The following DHX16 variants were observed in gnomAD, a reference collection of about 807,000 sequenced individuals.
DHX16 encodes the protein pre-mRNA-splicing factor ATP-dependent RNA helicase DHX16.
In DHX16, 81 loss-of-function variants were observed where a neutral mutation model predicts 131.2. The ratio of observed to expected loss-of-function variants is 0.62; its 90% CI spans 0.52 to 0.74. The LOEUF (loss-of-function observed/expected upper bound fraction) is 0.74, where lower values mean the gene tolerates loss of function less well. Ranked by LOEUF, DHX16 falls within the 30% of genes least tolerant of loss-of-function variation. The probability of loss-of-function intolerance (pLI) is 0.00; values close to 1 mark genes in which losing one functional copy is unlikely to be tolerated. For synonymous variants in DHX16, 440 were observed against 520.2 expected, an observed-to-expected ratio of 0.85 and a Z score of 2.10; for missense variants, 980 against 1,363.1, an observed-to-expected ratio of 0.72 and a Z score of 4.43.
chr6:30,672,573 T>C (rs974548926), intron 1 of DHX16, 62 bp downstream of exon 1: 16 of 1,443,990 alleles, frequency 1.1e-5, no homozygotes, highest in Admixed American at 7.3e-5. Context: ...AACTTCTCGA[T>C]GGACCGTTAG....
At chr6:30,659,914 A>T in intron 10 of DHX16, 80 bp from the exon 11 acceptor site, 1 of 1,554,644 alleles carries the variant, frequency 6.4e-7, no homozygotes. Context: ...TTCAACATAC[A>T]CTTTATCCTA....
Position 30,659,494 on chromosome 6 carries a change from G to A in DHX16, c.1985C>T (p.Pro662Leu), listed in dbSNP as rs1363435291. ...GACCTTTCGTGCCCCAGGTGGTGTG[G>A]GCTGGAAGATACGGGCCTGCATGTC... Reference protein sequence around the residue: ...PSDMQARIFQPTPPGARKVVV... With the variant: ...PSDMQARIFQLTPPGARKVVV... Residue 662 changes from proline to leucine, a missense_variant, in exon 12 of 20, where the codon CCC (proline) becomes CTC (leucine). Transcript: ENST00000376442. The A allele has an allele frequency of 3.1e-6, 5 of 1,599,778 alleles. No homozygotes were observed. The East Asian group carries it at 1.1e-4, about 36-fold the overall frequency.
chr6:30,653,357 T>C lies in DHX16; in HGVS notation c.3011A>G (p.Glu1004Gly). The change falls in exon 20 of 20, where the codon GAG (glutamate) becomes GGG (glycine). Residue 1004 changes from glutamate to glycine, a missense_variant. By Grantham distance (98) the Glu-to-Gly change is moderately conservative (BLOSUM62 -2). Around this residue, in one of 3 missense-constraint regions of DHX16, gnomAD observed 214 missense variants for 271.2 expected, o/e 0.79. Transcript: ENST00000376442. Reference sequence around the variant, plus strand: ...AGCCACCTCCAGAAGCCAACTGCTCTCAATCTCCAGTACCTAGGAGAGAGA... The same window carrying C: ...AGCCACCTCCAGAAGCCAACTGCTCCCAATCTCCAGTACCTAGGAGAGAGA... ...KEFMRQVLEI[E>G]SSWLLEVAPH... 1.2e-6 allele frequency: 2 copies of C among 1,612,656 alleles called. No homozygotes were observed. The highest frequency in any genetic ancestry group is 1.7e-6 in the Non-Finnish European group (2 of 1,179,884).
At position 30,664,975 on chromosome 6, in the gene DHX16, G is replaced by A. The variant is rs1768881707; in HGVS notation, c.1143C>T (p.Pro381=). 1 of 1,614,016 alleles carries A rather than the reference G, an allele frequency of 6.2e-7. No individual in the cohort carries two copies. The highest frequency in any genetic ancestry group is 8.5e-7 in the Non-Finnish European group (1 of 1,179,978). ...LQGDEEPSAP[P]TSTQAQQKES... ...CTTTCTGCTGGGCCTGAGTTGAAGT[G>A]GGTGGAGCTGACGGCTCCTAAGGAA... is the stretch of plus-strand genomic sequence containing the variant. The change falls in exon 7 of 20, where the codon CCC becomes CCT. Residue 381 remains proline (P), a synonymous_variant. Transcript: ENST00000376442.
Position 30,662,155 on chromosome 6 carries a change from C to T in DHX16, c.1544+472G>A, listed in dbSNP as rs11754053. ...CAGAGTCCAACCACTCTGACAGGCC[C>T]TGCAATCTCCACCACTCTGAGGGTT... On this transcript the variant is annotated intron_variant, in intron 9 of 19. Coordinates refer to ENST00000376442, the MANE Select transcript of DHX16 (RefSeq NM_003587.5). This position sits in a 1 kb window ranked among gnomAD's most constrained non-coding sequence, Gnocchi z 4.7. 9.6e-3 allele frequency among the ~76,000 whole-genome samples: 1,463 copies of T among 152,258 alleles called. 24 individuals carry two copies. The highest frequency in any genetic ancestry group is 0.033 in the African/African-American group (1,364 of 41,530).
In DHX16 at chr6:30,659,167, G is replaced by A. The variant is rs564374930; in HGVS notation, c.2007+305C>T. Among the ~76,000 whole-genome samples, 79 of 152,268 alleles carry A rather than the reference G, an allele frequency of 5.2e-4. 2 individuals carry two copies. The highest frequency in any genetic ancestry group is 4.8e-3 in the Admixed American group (73 of 15,298). ...CTCCGAAAGTCCTGGGATTACAGGC[G>A]TGAGCCACCGCACCTGACCTCAGAC... On this transcript the variant is annotated intron_variant, in intron 12 of 19. Transcript: ENST00000376442.
chr6:30,665,529 TCTC>T lies in DHX16; in HGVS notation c.868_870del (p.Glu290del). ...TGGTAGCGATTGGTGGCCTCCAGCT[TCTC>T]CTGCTCCCCAGCTGCCCGGTACTCC... On this transcript the variant is annotated inframe_deletion, in exon 5 of 20. Transcript: ENST00000376442. This position sits in a 1 kb window ranked among gnomAD's most constrained non-coding sequence, Gnocchi z 4.8. 6.2e-7 allele frequency: 1 copy of T among 1,613,022 alleles called. No individual in the cohort carries two copies. Among genetic ancestry groups the T allele is most frequent in the Non-Finnish European group, 8.5e-7 (1 of 1,180,010 alleles).
intron 18 of DHX16, 39 bp downstream of exon 18, chr6:30,655,136 T>TA (rs780853271): frequency 1.2e-6 from 2 of 1,612,844 alleles, no homozygotes; most frequent in African/African-American, 2.7e-5. Context: ...CCTGGGAAGG[T>TA]ACTGGGGGTG....
At chr6:30,669,319 G>A (rs2127593911) in intron 4 of DHX16, among the ~76,000 whole-genome samples, 1 of 152,190 alleles carries the variant, frequency 6.6e-6, no homozygotes, top group Admixed American at 6.5e-5. Flanking sequence ...TACTCAGGAG[G>A]CTGAGGCAGG....
Position 30,665,031 on chromosome 6 carries a change from T to C in DHX16, c.1126-39A>G, listed in dbSNP as rs1768892098. ...AGGAGGTGTGAGCTAAATAGCTCGCTACGGGTCTTCCTCAGAAAGTCTCCC... is the reference window on the plus strand; with the variant it reads ...AGGAGGTGTGAGCTAAATAGCTCGCCACGGGTCTTCCTCAGAAAGTCTCCC... On this transcript the variant is annotated intron_variant, in intron 6 of 19. Coordinates refer to ENST00000376442, the MANE Select transcript of DHX16 (RefSeq NM_003587.5). This position sits in a 1 kb window ranked among gnomAD's most constrained non-coding sequence, Gnocchi z 4.8. The C allele has an allele frequency of 1.2e-6, 2 of 1,613,644 alleles. No individual in the cohort carries two copies. The highest frequency in any genetic ancestry group is 1.1e-5 in the South Asian group (1 of 91,052).
At chr6:30,672,044 C>T (rs1021703712) in intron 1 of DHX16, among the ~76,000 whole-genome samples, 2 of 151,732 alleles carry the variant, frequency 1.3e-5, no homozygotes, top group Non-Finnish European at 2.9e-5. Context: ...GGCATGGTGG[C>T]TCACGCCTGT....
At position 30,664,932 on chromosome 6, in the gene DHX16, G is replaced by T. The variant is rs778338647; in HGVS notation, c.1186C>A (p.Arg396Ser). 6.2e-7 allele frequency: 1 copy of T among 1,613,840 alleles called. No individual in the cohort carries two copies. The highest frequency in any genetic ancestry group is 1.3e-5 in the African/African-American group (1 of 75,032). The part of the protein sequence containing the change: ...AQQKESIQAV[R>S]RSLPVFPFRE... ...AATGGGAACACCGGGAGGCTGCGGCGGACGGCCTGGATGGACTCTTTCTGC... is the reference window on the plus strand; with the variant it reads ...AATGGGAACACCGGGAGGCTGCGGCTGACGGCCTGGATGGACTCTTTCTGC... Residue 396 changes from arginine (R) to serine (S), a missense_variant, in exon 7 of 20, where the codon CGC (arginine) becomes AGC (serine). Transcript: ENST00000376442.
intron 7 of DHX16, 68 bp from the exon 8 acceptor site, chr6:30,663,089 T>C (rs1768676653): frequency 7.8e-7 from 1 of 1,286,496 alleles, no homozygotes; most frequent in Admixed American, 2.2e-5. Context: ...CAGGTACATT[T>C]CAGAGAAAGA....
intron 1 of DHX16, among the ~76,000 whole-genome samples, chr6:30,672,368 C>T (rs1769644525): frequency 6.6e-6 from 1 of 151,972 alleles, no homozygotes; most frequent in South Asian, 2.1e-4. Context: ...ACTAAGATCC[C>T]TACTGAATCG....
In DHX16 at chr6:30,670,592, A is replaced by AGAG; in HGVS notation, c.610-127_610-126insCTC. 8.0e-7 allele frequency: 1 copy of AGAG among 1,242,462 alleles called. No individual in the cohort carries two copies. Among genetic ancestry groups the AGAG allele is most frequent in the Non-Finnish European group, 1.1e-6 (1 of 886,888 alleles). 77.0% of individuals were successfully genotyped at this position (1,242,462 alleles called of 1,614,324 possible). On this transcript the variant is annotated intron_variant, in intron 3 of 19. Coordinates refer to ENST00000376442, the MANE Select transcript of DHX16 (RefSeq NM_003587.5). This position sits in a 1 kb window ranked among gnomAD's most constrained non-coding sequence, Gnocchi z 4.4. Reference sequence around the variant, plus strand: ...ACACAAAAAATGTCCCCTCTCAGTGAGGAATCTCTCTGATTGCAGGTACAG... The same window carrying AGAG: ...ACACAAAAAATGTCCCCTCTCAGTGAGAGGGAATCTCTCTGATTGCAGGTACAG...
At chr6:30,661,545 G>A (rs918509435) in intron 9 of DHX16, among the ~76,000 whole-genome samples, 1 of 152,152 alleles carries the variant, frequency 6.6e-6, no homozygotes. Flanking sequence ...ATTCTTGACT[G>A]TTTCTTCTTT....
rs1029663406 is a variant in DHX16 at position 30,666,970 on chromosome 6, A to AT, written c.667-1238dup. On this transcript the variant is annotated intron_variant, in intron 4 of 19. Transcript: ENST00000376442. The stretch of plus-strand genomic sequence containing the variant: ...TTCCTTCCATGGAAGAGCCAGATAG[A>AT]TTTTTTTTTTAATATGGGCAAAAAA... Among the ~76,000 whole-genome samples the AT allele has an allele frequency of 4.6e-4, 69 of 150,612 alleles. 1 individual carries two copies. Among genetic ancestry groups the AT allele is most frequent in the African/African-American group, 1.4e-3 (57 of 41,094 alleles).
Position 30,671,387 on chromosome 6 carries a change from G to A in DHX16, c.208-113C>T, listed in dbSNP as rs2127595962. 25 of 995,668 alleles carry A rather than the reference G, an allele frequency of 2.5e-5. No individual in the cohort carries two copies. In the South Asian group the frequency reaches 2.6e-4, roughly 10 times the overall value. 61.7% of individuals were successfully genotyped at this position (995,668 alleles called of 1,614,324 possible). Reference sequence around the variant, plus strand: ...TTAGTCTTTCCTGCCCCCGCGGCCCGGCCCCACTGTCAGGCAATGGCGTGA... The same window carrying A: ...TTAGTCTTTCCTGCCCCCGCGGCCCAGCCCCACTGTCAGGCAATGGCGTGA... On this transcript the variant is annotated intron_variant, in intron 1 of 19. Coordinates refer to ENST00000376442, the MANE Select transcript of DHX16 (RefSeq NM_003587.5).
Position 30,665,223 on chromosome 6 carries a change from C to A in DHX16, c.973G>T (p.Glu325Ter). 1.2e-6 allele frequency: 2 copies of A among 1,606,750 alleles called. No individual in the cohort carries two copies. Among genetic ancestry groups the A allele is most frequent in the Non-Finnish European group, 1.7e-6 (2 of 1,179,826 alleles). Residue 325 changes from glutamate (E) to a stop codon, truncating the protein, a stop_gained, in exon 6 of 20, where the codon GAG (glutamate) becomes TAG (stop). Transcript: ENST00000376442. LOFTEE classifies it high-confidence loss of function. This position sits in a 1 kb window ranked among gnomAD's most constrained non-coding sequence, Gnocchi z 4.8. ...VEEESGAPGE[E>*]QRRWEEARLG... is the part of the protein sequence containing the mutation. ...CGCGCCTCCTCCCAGCGCCGCTGCT[C>A]CTCCCCAGGGGCTCCTGATTCCTCC...
Sources: allele counts gnomAD v4.1 joint callset (sites outside exome capture counted in the v4.1 genomes callset), GRCh38; gene constraint gnomAD v4.1.1; regional missense constraint gnomAD v4.1.1; non-coding constraint Gnocchi (gnomAD v3.1); transcripts MANE v1.5; gene names NCBI Gene and HGNC (gene_info 2026-07-23, HGNC 2026-07-21).